ELFN1: variants seen among roughly 807,000 people sequenced by gnomAD.
ELFN1 encodes the protein protein ELFN1.
ELFN1 carries 6 observed loss-of-function variants against 7.6 expected under a neutral mutation model. That is an observed-to-expected ratio of 0.79 (90% CI 0.43 to 1.56). The LOEUF is 1.56. Ranked by LOEUF, ELFN1 falls within the 40% of genes most tolerant of loss-of-function variation. The probability of loss-of-function intolerance (pLI) is 0.01; values close to 1 mark genes in which losing one functional copy is unlikely to be tolerated. For missense variants in ELFN1, 1,169 were observed against 1,232.2 expected (o/e 0.95, Z 0.77); for synonymous variants, 657 against 588.1 (o/e 1.12, Z -1.70).
In ELFN1 at chr7:1,695,734, C is replaced by G. The variant is rs1213060102; in HGVS notation, c.-456+7584C>G. 8.5e-6 allele frequency among the ~76,000 whole-genome samples: 1 copy of G among 117,142 alleles called. No homozygotes were observed. Among genetic ancestry groups the G allele is most frequent in the African/African-American group, 3.5e-5 (1 of 28,920 alleles). The allele number at this position is 117,142 out of a possible 152,430, so 76.8% of individuals were successfully genotyped here. A position where few individuals can be genotyped will look rare whatever the true frequency, so the allele number is the denominator to read the frequency against. On this transcript the variant is annotated intron_variant, in intron 2 of 3. Coordinates refer to ENST00000424383, the MANE Select transcript of ELFN1 (RefSeq NM_001128636.4). The surrounding 1 kb of genome is among the most constrained non-coding windows in gnomAD (Gnocchi z 5.1). Reference sequence around the variant, plus strand: ...CTGCACTGCAGCCTGGGTGACAGAGCGAGACTCCGTGTCAAAAAAAAAAAA... The same window carrying G: ...CTGCACTGCAGCCTGGGTGACAGAGGGAGACTCCGTGTCAAAAAAAAAAAA...
At chr7:1,733,420 T>G (rs1780364781) in intron 3 of ELFN1, among the ~76,000 whole-genome samples, 1 of 152,048 alleles carries the variant, frequency 6.6e-6, no homozygotes, top group Admixed American at 6.5e-5. Flanking sequence ...CCTGTCCTCT[T>G]GAGGCAGGAG....
At chr7:1,667,273 G>A (rs1778685772), upstream of ELFN1, among the ~76,000 whole-genome samples, 1 of 152,048 alleles carries the variant, frequency 6.6e-6, no homozygotes, top group Admixed American at 6.5e-5. The surrounding 1 kb of genome is among the most constrained non-coding windows in gnomAD (Gnocchi z 8.2). Flanking sequence ...GGCTGCCCAG[G>A]GAGGAGCAGG....
chr7:1,693,567 T>C (rs891014273), intron 2 of ELFN1: 1 of 471,096 alleles, frequency 2.1e-6, no homozygotes, highest in Non-Finnish European at 4.4e-6. Context: ...GTAGCCTTGC[T>C]GGGTGTGTGC....
At chr7:1,703,395 C>T (rs1352927055) in intron 2 of ELFN1, among the ~76,000 whole-genome samples, 3 of 152,214 alleles carry the variant, frequency 2.0e-5, no homozygotes, top group Admixed American at 2.0e-4. Flanking sequence ...GTCAAATCTG[C>T]CTCCTTTTTC....
intron 1 of ELFN1, among the ~76,000 whole-genome samples, chr7:1,677,155 G>A (rs1225566783): frequency 6.6e-6 from 1 of 152,210 alleles, no homozygotes; most frequent in African/African-American, 2.4e-5. Flanking sequence ...TATTCATTAG[G>A]AAATGAGGGA....
chr7:1,744,465 T>C lies in ELFN1; in HGVS notation c.-132T>C. On this transcript the variant is annotated 5_prime_UTR_variant, in exon 4 of 4. Coordinates refer to ENST00000424383, the MANE Select transcript of ELFN1 (RefSeq NM_001128636.4). ...CGCTTACGTCGCGCGGCCATGCGGT[T>C]TGGGACAGGACACCCCTGAGAGTGC... 2 of 1,091,140 alleles carry C rather than the reference T, an allele frequency of 1.8e-6. No homozygotes were observed. Among genetic ancestry groups the C allele is most frequent in the Admixed American group, 6.6e-5 (2 of 30,424 alleles). The allele number at this position is 1,091,140 out of a possible 1,614,324, so 67.6% of individuals were successfully genotyped here.
intron 1 of ELFN1, among the ~76,000 whole-genome samples, chr7:1,680,737 A>AT (rs967183963): frequency 0.016 from 2,066 of 128,870 alleles, 26 homozygotes; most frequent in African/African-American, 0.024. Context: ...TGGATTTACA[A>AT]TTTTTTTTTT....
At chr7:1,689,155 A>C (rs1779110903) in intron 2 of ELFN1, among the ~76,000 whole-genome samples, 1 of 152,218 alleles carries the variant, frequency 6.6e-6, no homozygotes, top group South Asian at 2.1e-4. Context: ...TGATTCATTC[A>C]AGTTGTGATG....
Position 1,746,515 on chromosome 7 carries a change from C to T in ELFN1, c.1919C>T (p.Thr640Ile). Residue 640 changes from threonine to isoleucine, a missense_variant, in exon 4 of 4, where the codon ACC becomes ATC. By Grantham distance (89) the Thr-to-Ile change is moderately conservative. Transcript: ENST00000424383. ...GCCGCCGGGCCCCCTCGTGCCAGCA[C>T]CTCGTCCAGCGGCTCCGTGCGCAGC... ...VEAAGPPRAS[T>I]SSSGSVRSPR... 6.1e-6 allele frequency: 9 copies of T among 1,470,750 alleles called. No individual in the cohort carries two copies. The highest frequency in any genetic ancestry group is 8.0e-6 in the Non-Finnish European group (9 of 1,120,688). 91.1% of individuals were successfully genotyped at this position (1,470,750 alleles called of 1,614,324 possible).
chr7:1,744,097 C>T (rs974897571), intron 3 of ELFN1, among the ~76,000 whole-genome samples: 40 of 152,156 alleles, frequency 2.6e-4, no homozygotes, highest in African/African-American at 7.7e-4. Flanking sequence ...GCATTTCCTC[C>T]GCTATCCTGA....
rs1778742884 is a variant in ELFN1 at position 1,670,453 on chromosome 7, CGG to C, written c.-549+101_-549+102del. 6.6e-6 allele frequency among the ~76,000 whole-genome samples: 1 copy of C among 151,784 alleles called. No individual in the cohort carries two copies. Among genetic ancestry groups the C allele is most frequent in the African/African-American group, 2.4e-5 (1 of 41,352 alleles). On this transcript the variant is annotated intron_variant, in intron 1 of 3. Coordinates refer to ENST00000424383, the MANE Select transcript of ELFN1 (RefSeq NM_001128636.4). The surrounding 1 kb of genome is among the most constrained non-coding windows in gnomAD (Gnocchi z 6.4). The stretch of plus-strand genomic sequence containing the variant: ...CCAAGCCCCCCGCCACCTCGAACCC[CGG>C]GCGTCCCCGAGTGCGCAGCGTGCGC...
At chr7:1,736,403 C>T (rs974173803) in intron 3 of ELFN1, among the ~76,000 whole-genome samples, 11 of 152,184 alleles carry the variant, frequency 7.2e-5, no homozygotes, top group Non-Finnish European at 1.5e-5. Context: ...TTTAAATGAT[C>T]GAGACGAGGA....
Position 1,740,618 on chromosome 7 carries a change from T to C in ELFN1, c.-293-3686T>C, listed in dbSNP as rs925750348. On this transcript the variant is annotated intron_variant, in intron 3 of 3. Transcript: ENST00000424383. The surrounding 1 kb of genome is among the most constrained non-coding windows in gnomAD (Gnocchi z 5.0). ...GAACCTTCCTAGGTGATTCGGCCTTTCCCTGTTTCCTGTGCCAGGTCCGCA... is the reference window on the plus strand; with the variant it reads ...GAACCTTCCTAGGTGATTCGGCCTTCCCCTGTTTCCTGTGCCAGGTCCGCA... Among the ~76,000 whole-genome samples, 1 of 152,082 alleles carries C rather than the reference T, an allele frequency of 6.6e-6. No homozygotes were observed. The highest frequency in any genetic ancestry group is 2.4e-5 in the African/African-American group (1 of 41,390).
At chr7:1,706,314 TG>T (rs1428943801) in intron 2 of ELFN1, among the ~76,000 whole-genome samples, 1 of 152,046 alleles carries the variant, frequency 6.6e-6, no homozygotes, top group Non-Finnish European at 1.5e-5. Context: ...TCCCAGCTAC[TG>T]GGGAGGCTGA....
intron 3 of ELFN1, among the ~76,000 whole-genome samples, chr7:1,732,685 G>A (rs1459192784): frequency 2.0e-5 from 3 of 152,082 alleles, no homozygotes; most frequent in Non-Finnish European, 4.4e-5. Context: ...GGAGTTCCCC[G>A]AGCCGCAAAG....
At chr7:1,684,904 A>G (rs1036450157) in intron 1 of ELFN1, among the ~76,000 whole-genome samples, 1 of 152,214 alleles carries the variant, frequency 6.6e-6, no homozygotes. Context: ...TAATACATTT[A>G]TAGAGCTTTT....
chr7:1,728,611 C>A (rs752980818), intron 3 of ELFN1, among the ~76,000 whole-genome samples: 8 of 152,228 alleles, frequency 5.3e-5, no homozygotes, highest in Non-Finnish European at 1.0e-4. Context: ...CATGCAAATC[C>A]CACCGATGGC....
rs553054700 is a variant in ELFN1, at chr7:1,673,610, G to A, written c.-549+3256G>A. 1.2e-4 allele frequency among the ~76,000 whole-genome samples: 19 copies of A among 152,322 alleles called. No homozygotes were observed. Among genetic ancestry groups the A allele is most frequent in the Admixed American group, 1.0e-3 (16 of 15,310 alleles). On this transcript the variant is annotated intron_variant, in intron 1 of 3. Coordinates refer to ENST00000424383, the MANE Select transcript of ELFN1 (RefSeq NM_001128636.4). This position sits in a 1 kb window ranked among gnomAD's most constrained non-coding sequence, Gnocchi z 4.7. ...GGAGGTGAGAGACCACCCTGGGAGC[G>A]CTGATGGCAGACAAGGGCCAACTGT... is the stretch of plus-strand genomic sequence containing the variant.
chr7:1,725,625 C>T (rs1351551855), intron 3 of ELFN1, among the ~76,000 whole-genome samples: 1 of 152,200 alleles, frequency 6.6e-6, no homozygotes, highest in African/African-American at 2.4e-5. Flanking sequence ...ATGGAATGTC[C>T]TCTGGCTGCC....
Sources: gnomAD v4.1 joint callset for allele counts (sites outside exome capture counted in the v4.1 genomes callset) on GRCh38, gnomAD v4.1.1 for gene constraint, Gnocchi (gnomAD v3.1) non-coding constraint, MANE v1.5 for transcripts, NCBI Gene and HGNC (gene_info 2026-07-23, HGNC 2026-07-21) for gene names.